The following USP47 variants were observed in gnomAD, a reference collection of about 807,000 sequenced individuals.
The protein encoded by USP47 is ubiquitin carboxyl-terminal hydrolase 47.
A neutral mutation model predicts 165.1 loss-of-function variants in USP47; 35 were observed. The observed-to-expected ratio is 0.21, with a 90% CI of 0.16 to 0.28. USP47 has a LOEUF of 0.28. Among genes scored for constraint, USP47 ranks in the 10% least tolerant of loss-of-function variants. The pLI is 1.00. For synonymous variants in USP47, 531 were observed against 544.5 expected (o/e 0.98, Z 0.35); for missense variants, 1,277 against 1,607.4 (o/e 0.79, Z 3.52).
chr11:11,856,306 G>A lies in USP47; in HGVS notation c.39+14082G>A, dbSNP rs558496386. 7.9e-5 allele frequency among the ~76,000 whole-genome samples: 12 copies of A among 152,186 alleles called. 1 individual carries two copies. The South Asian group carries it at 2.3e-3, about 29-fold the overall frequency. Reference sequence around the variant, plus strand: ...TCATGGAAACATTTTTTACTTGCTGGAATGTTTTTTGTCCCCAACATTAAT... The same window carrying A: ...TCATGGAAACATTTTTTACTTGCTGAAATGTTTTTTGTCCCCAACATTAAT... On this transcript the variant is annotated intron_variant, in intron 1 of 27. Coordinates refer to ENST00000527733, the MANE Select transcript of USP47 (RefSeq NM_001282659.2).
chr11:11,940,709 G>T lies in USP47; in HGVS notation c.2313+161G>T, dbSNP rs560762512. Among the ~76,000 whole-genome samples, 5 of 151,958 alleles carry T rather than the reference G, an allele frequency of 3.3e-5. No individual in the cohort carries two copies. In the East Asian group the frequency reaches 9.7e-4, roughly 29 times the overall value. On this transcript the variant is annotated intron_variant, in intron 19 of 27. Coordinates refer to ENST00000527733, the MANE Select transcript of USP47 (RefSeq NM_001282659.2). The stretch of plus-strand genomic sequence containing the variant: ...TTACCTTCCTTTGTAGTCAGGTCAG[G>T]TCAGGCTCCCTTCTGTCCTGTGAAT...
chr11:11,905,801 T>A (rs140180578), intron 8 of USP47, among the ~76,000 whole-genome samples: 3 of 146,764 alleles, frequency 2.0e-5, no homozygotes, highest in East Asian at 4.0e-4. Flanking sequence ...TTTGGATAGG[T>A]GATTAGATGA....
chr11:11,954,613 T>A (rs866355154), intron 25 of USP47, among the ~76,000 whole-genome samples: 7 of 152,156 alleles, frequency 4.6e-5, no homozygotes, highest in Non-Finnish European at 1.0e-4. Flanking sequence ...ATCCTATTCC[T>A]CTAGGAACAG....
intron 1 of USP47, among the ~76,000 whole-genome samples, chr11:11,877,544 A>G (rs1850516417): frequency 6.6e-6 from 1 of 152,230 alleles, no homozygotes; most frequent in Non-Finnish European, 1.5e-5. Flanking sequence ...TGTTCATCAC[A>G]GAATTATTTG....
chr11:11,886,347 G>A (rs146782133), intron 3 of USP47, among the ~76,000 whole-genome samples: 2 of 152,160 alleles, frequency 1.3e-5, no homozygotes, highest in Non-Finnish European at 1.5e-5. Context: ...GCTAAGAATC[G>A]TGATAATACA....
intron 1 of USP47, among the ~76,000 whole-genome samples, chr11:11,867,535 G>A (rs1590255960): frequency 6.6e-6 from 1 of 152,000 alleles, no homozygotes; most frequent in African/African-American, 2.4e-5. Flanking sequence ...TATTTTCTAG[G>A]AATTCTGCTC....
intron 3 of USP47, among the ~76,000 whole-genome samples, chr11:11,887,860 A>G (rs1201272809): frequency 6.6e-6 from 1 of 152,214 alleles, no homozygotes; most frequent in Non-Finnish European, 1.5e-5. Context: ...AAAGAACTGA[A>G]ATTACAACAG....
rs567744211 is a variant in USP47, at chr11:11,915,644, A to G, written c.970-4512A>G. Among the ~76,000 whole-genome samples, 30 of 152,312 alleles carry G rather than the reference A, an allele frequency of 2.0e-4. No individual in the cohort carries two copies. In the East Asian group the frequency reaches 4.0e-3, roughly 21 times the overall value. On this transcript the variant is annotated intron_variant, in intron 8 of 27. Coordinates refer to ENST00000527733, the MANE Select transcript of USP47 (RefSeq NM_001282659.2). ...TCTGTATGTTATTTCTTACGATTGC[A>G]TATGAATTTACAATTATCTCAAAAG... is the stretch of plus-strand genomic sequence containing the variant.
rs1258923473 is a variant in USP47 at position 11,927,001 on chromosome 11, A to C, written c.1387-2433A>C. ...TTAAAACAACTTACACATATTTGTG[A>C]ATTTTCCAGTTTTCCTTTTGCTATT... On this transcript the variant is annotated intron_variant, in intron 11 of 27. Transcript: ENST00000527733. 2.9e-5 allele frequency among the ~76,000 whole-genome samples: 3 copies of C among 101,724 alleles called. No individual in the cohort carries two copies. The East Asian group carries it at 7.5e-4, about 25-fold the overall frequency. The allele number at this position is 101,724 out of a possible 152,430, so 66.7% of individuals were successfully genotyped here. A position where few individuals can be genotyped will look rare whatever the true frequency, so the allele number is the denominator to read the frequency against.
chr11:11,868,914 G>A (rs965872297), intron 1 of USP47, among the ~76,000 whole-genome samples: 1 of 151,786 alleles, frequency 6.6e-6, no homozygotes, highest in African/African-American at 2.4e-5. Context: ...ATTTGCATCT[G>A]TTTATACGCT....
chr11:11,877,238 G>A (rs905621109), intron 1 of USP47, among the ~76,000 whole-genome samples: 1 of 152,086 alleles, frequency 6.6e-6, no homozygotes, highest in Non-Finnish European at 1.5e-5. Context: ...TCCCAAACTG[G>A]AGAGGGGAAA....
chr11:11,872,823 A>C (rs1850155761), intron 1 of USP47, among the ~76,000 whole-genome samples: 1 of 152,232 alleles, frequency 6.6e-6, no homozygotes, highest in African/African-American at 2.4e-5. Context: ...AATTATACAA[A>C]CAAGCAATGC....
chr11:11,941,669 A>G (rs1401483717), intron 19 of USP47, among the ~76,000 whole-genome samples: 5 of 152,058 alleles, frequency 3.3e-5, no homozygotes, highest in Non-Finnish European at 7.4e-5. Context: ...ATATCATTTC[A>G]TCTATAGATA....
chr11:11,933,115 A>G lies in USP47; in HGVS notation c.1763A>G (p.Lys588Arg), dbSNP rs760008900. 1 of 1,610,890 alleles carries G rather than the reference A, an allele frequency of 6.2e-7. No homozygotes were observed. ...CGAGAAATTGAGCGCAATACATGCA[A>G]GGTTGAATTCCATCATTTTATTTTT... is the stretch of plus-strand genomic sequence containing the variant. ...RQREIERNTCKIKLFCLHPTK... is the reference protein window; with the variant it reads ...RQREIERNTCRIKLFCLHPTK... Residue 588 changes from lysine to arginine, a missense_variant and splice_region_variant, in exon 15 of 28, where the codon AAG becomes AGG. This residue lies in a region of USP47 where 909 missense variants were observed against 1,068.1 expected (regional missense o/e 0.85). Transcript: ENST00000527733.
intron 3 of USP47, among the ~76,000 whole-genome samples, chr11:11,888,403 C>T (rs759550077): frequency 2.6e-5 from 4 of 152,002 alleles, no homozygotes; most frequent in African/African-American, 7.2e-5. Flanking sequence ...CACAGAAATA[C>T]GAAAAACCAT....
At chr11:11,913,455 C>T (rs969760014) in intron 8 of USP47, among the ~76,000 whole-genome samples, 23 of 151,380 alleles carry the variant, frequency 1.5e-4, no homozygotes, top group African/African-American at 5.6e-4. Flanking sequence ...TGTACTGGAC[C>T]TATGTGTTCA....
At chr11:11,856,814 C>T (rs1366826126) in intron 1 of USP47, 2 of 152,734 alleles carry the variant, frequency 1.3e-5, no homozygotes, top group East Asian at 1.9e-4. Flanking sequence ...GCTTTTGTAG[C>T]TAGTTACTTC....
At chr11:11,885,698 C>T (rs901850424) in intron 3 of USP47, among the ~76,000 whole-genome samples, 3 of 152,130 alleles carry the variant, frequency 2.0e-5, no homozygotes, top group African/African-American at 7.2e-5. Flanking sequence ...CATAAATACC[C>T]CTAGGAAGGG....
intron 20 of USP47, among the ~76,000 whole-genome samples, chr11:11,944,907 G>A (rs979820240): frequency 2.0e-5 from 3 of 152,178 alleles, no homozygotes; most frequent in Admixed American, 1.3e-4. Context: ...TCAACCGTAG[G>A]AAAAATTTGA....
Sources: allele counts gnomAD v4.1 joint callset (sites outside exome capture counted in the v4.1 genomes callset), GRCh38; gene constraint gnomAD v4.1.1; regional missense constraint gnomAD v4.1.1; transcripts MANE v1.5; gene names NCBI Gene and HGNC (gene_info 2026-07-23, HGNC 2026-07-21).